The following SLC25A26 variants were observed in gnomAD, a reference collection of about 807,000 sequenced individuals.
SLC25A26 encodes the protein solute carrier family 25 member 26.
Under a neutral mutation model 37.8 loss-of-function variants are expected in SLC25A26, and 36 were observed. The ratio of observed to expected loss-of-function variants is 0.95; its 90% CI spans 0.73 to 1.26. The LOEUF (loss-of-function observed/expected upper bound fraction) is 1.26. Ranked by LOEUF, SLC25A26 falls within the 50% of genes most tolerant of loss-of-function variation. SLC25A26 has a pLI of 0.00. For missense variants in SLC25A26, 390 were observed against 331.1 expected, an observed-to-expected ratio of 1.18 and a Z score of -1.38; for synonymous variants, 129 against 122.5, an observed-to-expected ratio of 1.05 and a Z score of -0.35.
chr3:66,289,004 T>G (rs1336490589), intron 5 of SLC25A26, among the ~76,000 whole-genome samples: 2 of 152,212 alleles, frequency 1.3e-5, no homozygotes, highest in Non-Finnish European at 2.9e-5. Context: ...TCCTGACTTT[T>G]TAATGATTGT....
intron 1 of SLC25A26, among the ~76,000 whole-genome samples, chr3:66,189,541 G>C (rs1213609121): frequency 1.3e-5 from 2 of 152,184 alleles, no homozygotes; most frequent in Admixed American, 6.5e-5. Flanking sequence ...AGTTGAGTTT[G>C]AACATGAAAT....
At chr3:66,259,104 A>G (rs2073420662) in intron 3 of SLC25A26, among the ~76,000 whole-genome samples, 1 of 151,510 alleles carries the variant, frequency 6.6e-6, no homozygotes, top group Admixed American at 6.6e-5. Flanking sequence ...GGAGAGACTG[A>G]CTCCCTTTGT....
chr3:66,359,607 G>T (rs2076652171), intron 6 of SLC25A26, among the ~76,000 whole-genome samples: 1 of 152,250 alleles, frequency 6.6e-6, no homozygotes, highest in East Asian at 1.9e-4. Flanking sequence ...CTAAGTTGGT[G>T]AAGTAAATGT....
At chr3:66,338,982 T>A (rs1368649623) in intron 5 of SLC25A26, among the ~76,000 whole-genome samples, 1 of 152,094 alleles carries the variant, frequency 6.6e-6, no homozygotes, top group Admixed American at 6.5e-5. Context: ...TTCATTTATG[T>A]GTTAATGTAC....
At position 66,147,637 on chromosome 3, in the gene SLC25A26, A is replaced by G. The variant is rs142944570; in HGVS notation, c.-354+13653A>G. Among the ~76,000 whole-genome samples the G allele has an allele frequency of 3.3e-5, 5 of 152,268 alleles. No individual in the cohort carries two copies. In the East Asian group the frequency reaches 9.6e-4, roughly 29 times the overall value. The stretch of plus-strand genomic sequence containing the variant: ...GATTGCTGGATCGAATGATAGATCT[A>G]CTTTTAGTTCTTTGAGGAATCTCCA... On this transcript the variant is annotated intron_variant, in intron 1 of 10. Transcript: ENST00000676754.
chr3:66,262,712 T>C (rs1296977693), intron 4 of SLC25A26, among the ~76,000 whole-genome samples: 2 of 152,212 alleles, frequency 1.3e-5, no homozygotes, highest in East Asian at 3.9e-4. Flanking sequence ...GAGTCTTGAT[T>C]TTAGAAAAGT....
intron 1 of SLC25A26, among the ~76,000 whole-genome samples, chr3:66,231,733 T>A (rs992403291): frequency 3.3e-5 from 5 of 151,396 alleles, no homozygotes; most frequent in Non-Finnish European, 5.9e-5. Context: ...ATAGTGTATG[T>A]TTCTGTGCCA....
intron 1 of SLC25A26, among the ~76,000 whole-genome samples, chr3:66,210,711 G>A (rs1006091305): frequency 6.6e-6 from 1 of 152,068 alleles, no homozygotes; most frequent in South Asian, 2.1e-4. Flanking sequence ...ATGGGCTTTT[G>A]CCATGTTTCC....
chr3:66,343,836 AT>A (rs1226185104), intron 5 of SLC25A26, among the ~76,000 whole-genome samples: 1 of 152,230 alleles, frequency 6.6e-6, no homozygotes, highest in Non-Finnish European at 1.5e-5. Context: ...TTAGAAACCT[AT>A]TACACAGTCA....
At position 66,290,945 on chromosome 3, in the gene SLC25A26, G is replaced by C. The variant is rs183623062; in HGVS notation, c.453+27566G>C. On this transcript the variant is annotated intron_variant, in intron 5 of 9. Transcript: ENST00000354883. ...TTCGGCTGTGAATCCGTCTGGTACT[G>C]GGCCTTTTTTGGTTTGTAGGCTATT... Among the ~76,000 whole-genome samples, 197 of 152,214 alleles carry C rather than the reference G, an allele frequency of 1.3e-3. 2 individuals are homozygous for C. The East Asian group carries it at 0.015, about 12-fold the overall frequency.
intron 5 of SLC25A26, among the ~76,000 whole-genome samples, chr3:66,313,862 A>AT (rs1190485850): frequency 1.3e-5 from 2 of 151,420 alleles, no homozygotes; most frequent in East Asian, 1.9e-4. Context: ...ATTCTTAGTT[A>AT]TTTTTTTCTC....
chr3:66,194,702 A>G (rs890730699), intron 1 of SLC25A26, among the ~76,000 whole-genome samples: 1 of 152,184 alleles, frequency 6.6e-6, no homozygotes, highest in African/African-American at 2.4e-5. Flanking sequence ...CGCCCGTTCA[A>G]GTGATTCTCC....
At chr3:66,333,331 C>T (rs2107687706) in intron 5 of SLC25A26, among the ~76,000 whole-genome samples, 1 of 152,244 alleles carries the variant, frequency 6.6e-6, no homozygotes, top group Non-Finnish European at 1.5e-5. Context: ...TTTCTGTCGT[C>T]ATTTCTATTT....
intron 7 of SLC25A26, among the ~76,000 whole-genome samples, chr3:66,367,042 T>A (rs1243134970): frequency 6.6e-6 from 1 of 152,194 alleles, no homozygotes; most frequent in Non-Finnish European, 1.5e-5. Flanking sequence ...TGAGTTGAAA[T>A]TTTCAGTTTA....
At chr3:66,146,815 T>G (rs1406115699) in intron 1 of SLC25A26, among the ~76,000 whole-genome samples, 1 of 152,120 alleles carries the variant, frequency 6.6e-6, no homozygotes. Context: ...CACTATGTAG[T>G]CTTTTATCCC....
intron 5 of SLC25A26, among the ~76,000 whole-genome samples, chr3:66,338,823 T>C (rs556650719): frequency 2.0e-5 from 3 of 152,180 alleles, no homozygotes; most frequent in Middle Eastern, 3.4e-3. Context: ...ATTATAATCA[T>C]ACATTAGTTG....
At chr3:66,244,432 A>G (rs1225616589) in intron 3 of SLC25A26, among the ~76,000 whole-genome samples, 3 of 152,246 alleles carry the variant, frequency 2.0e-5, no homozygotes, top group African/African-American at 7.2e-5. Flanking sequence ...TACTAAGGCC[A>G]TAGAAGATTT....
chr3:66,252,705 G>T (rs2073132022), intron 3 of SLC25A26, among the ~76,000 whole-genome samples: 1 of 152,128 alleles, frequency 6.6e-6, no homozygotes, highest in African/African-American at 2.4e-5. Flanking sequence ...CACGTTTTTA[G>T]AATTTCCTAG....
At chr3:66,171,480 A>G (rs572824188) in intron 1 of SLC25A26, among the ~76,000 whole-genome samples, 1 of 152,076 alleles carries the variant, frequency 6.6e-6, no homozygotes, top group South Asian at 2.1e-4. Context: ...GCAATGAAGG[A>G]CCCTGAGATT....
Sources: allele counts gnomAD v4.1 joint callset (sites outside exome capture counted in the v4.1 genomes callset), GRCh38; gene constraint gnomAD v4.1.1; transcripts MANE v1.5; gene names NCBI Gene and HGNC (gene_info 2026-07-23, HGNC 2026-07-21).